The following RORA variants were observed in gnomAD, a reference collection of about 807,000 sequenced individuals.
RORA encodes the protein nuclear receptor ROR-alpha.
A neutral mutation model predicts 69.5 loss-of-function variants in RORA; 7 were observed. That is an observed-to-expected ratio of 0.10 (90% confidence interval 0.06 to 0.19). The LOEUF is 0.19. RORA is among the 10% of genes least tolerant of loss of function. RORA has a pLI of 1.00. For synonymous variants in RORA, 261 were observed against 240.8 expected (o/e 1.08, Z -0.78); for missense variants, 457 against 663.0 (o/e 0.69, Z 3.41).
intron 1 of RORA, among the ~76,000 whole-genome samples, chr15:60,922,006 T>C (rs1892062328): frequency 6.6e-6 from 1 of 152,228 alleles, no homozygotes; most frequent in Admixed American, 6.5e-5. Context: ...TATCAGCCTA[T>C]GGCCAATTTT....
Position 60,922,610 on chromosome 15 carries a change from T to A in RORA, c.167-243924A>T, listed in dbSNP as rs1028919872. On this transcript the variant is annotated intron_variant, in intron 1 of 10. Coordinates refer to ENST00000335670, the MANE Select transcript of RORA (RefSeq NM_134261.3). ...TGCTCAAATCAAGATCCAAACAAGG[T>A]ATACTTAGTATGCATTTCTTCATTC... 3.9e-5 allele frequency among the ~76,000 whole-genome samples: 6 copies of A among 152,254 alleles called. No individual in the cohort carries two copies. The East Asian group carries it at 1.2e-3, about 29-fold the overall frequency.
intron 1 of RORA, among the ~76,000 whole-genome samples, chr15:60,965,562 A>T (rs1893531877): frequency 6.6e-6 from 1 of 152,234 alleles, no homozygotes; most frequent in Non-Finnish European, 1.5e-5. Flanking sequence ...AGAAGAAACT[A>T]GCCCAACACA....
In RORA at chr15:60,564,992, T is replaced by C. The variant is rs559882393; in HGVS notation, c.197-33141A>G. 7.9e-5 allele frequency among the ~76,000 whole-genome samples: 12 copies of C among 152,254 alleles called. No homozygotes were observed. The South Asian group carries it at 2.5e-3, about 32-fold the overall frequency. ...AGCAGTGACCCCCTTGTGAGCTCGG[T>C]AAATGTTATCTATTGTATTCTACCA... On this transcript the variant is annotated intron_variant, in intron 2 of 10. Coordinates refer to ENST00000335670, the MANE Select transcript of RORA (RefSeq NM_134261.3).
chr15:61,061,988 A>G lies in RORA; in HGVS notation c.166+167065T>C, dbSNP rs2078193335. ...TGAGGCAGGAGAATCCCTTGAACCT[A>G]GGAGACGGAGGTTGCAGTGAGCTGG... On this transcript the variant is annotated intron_variant, in intron 1 of 10. Transcript: ENST00000335670. The surrounding 1 kb of genome is among the most constrained non-coding windows in gnomAD (Gnocchi z 4.4). Among the ~76,000 whole-genome samples, 1 of 152,168 alleles carries G rather than the reference A, an allele frequency of 6.6e-6. No homozygotes were observed.
At chr15:61,076,638 C>T (rs1242548876) in intron 1 of RORA, among the ~76,000 whole-genome samples, 1 of 152,214 alleles carries the variant, frequency 6.6e-6, no homozygotes, top group Non-Finnish European at 1.5e-5. Flanking sequence ...AAAGTTTGCA[C>T]TTTTTAATTT....
chr15:60,563,181 C>T (rs1415491029), intron 2 of RORA, among the ~76,000 whole-genome samples: 1 of 152,248 alleles, frequency 6.6e-6, no homozygotes, highest in East Asian at 1.9e-4. Flanking sequence ...GACAAACATC[C>T]CTGCTATTGA....
At chr15:60,948,231 A>G (rs1208226968) in intron 1 of RORA, among the ~76,000 whole-genome samples, 1 of 151,770 alleles carries the variant, frequency 6.6e-6, no homozygotes, top group African/African-American at 2.4e-5. Context: ...TTTTATTCCC[A>G]GGCAAATATG....
intron 1 of RORA, among the ~76,000 whole-genome samples, chr15:60,704,252 C>T (rs2071027080): frequency 6.6e-6 from 1 of 152,206 alleles, no homozygotes; most frequent in African/African-American, 2.4e-5. Flanking sequence ...GGTGCTTTTT[C>T]ATGGTTTGGT....
At chr15:60,958,392 T>C (rs1022751733) in intron 1 of RORA, among the ~76,000 whole-genome samples, 3 of 152,170 alleles carry the variant, frequency 2.0e-5, no homozygotes, top group Non-Finnish European at 4.4e-5. Flanking sequence ...GTCTAAAATA[T>C]TATTTATGCC....
intron 2 of RORA, among the ~76,000 whole-genome samples, chr15:60,573,493 G>A (rs1595996142): frequency 6.6e-6 from 1 of 152,140 alleles, no homozygotes; most frequent in Non-Finnish European, 1.5e-5. Context: ...ATTGTTTCTC[G>A]TGTTTCTTCA....
chr15:61,224,033 T>C (rs8033036), intron 1 of RORA, among the ~76,000 whole-genome samples: 4,521 of 148,960 alleles, frequency 0.03, 228 homozygotes, highest in African/African-American at 0.11. Flanking sequence ...TAAAAAATGA[T>C]AGAAGAGAAA....
At chr15:60,606,382 G>A (rs540371254) in intron 2 of RORA, among the ~76,000 whole-genome samples, 1 of 152,288 alleles carries the variant, frequency 6.6e-6, no homozygotes, top group South Asian at 2.1e-4. Flanking sequence ...TGGTATCTAC[G>A]AAGAGTTCTA....
chr15:61,005,719 A>C (rs1049509387), intron 1 of RORA, among the ~76,000 whole-genome samples: 4 of 152,196 alleles, frequency 2.6e-5, no homozygotes, highest in African/African-American at 9.7e-5. Context: ...TAAAGTATAC[A>C]CTATTATTGT....
intron 1 of RORA, among the ~76,000 whole-genome samples, chr15:60,863,965 C>G (rs954887196): frequency 2.6e-5 from 4 of 152,122 alleles, no homozygotes; most frequent in African/African-American, 9.7e-5. Flanking sequence ...TGCCACTGTG[C>G]CCAGCTAGTT....
chr15:60,836,530 C>G (rs1212284962), intron 1 of RORA, among the ~76,000 whole-genome samples: 1 of 152,132 alleles, frequency 6.6e-6, no homozygotes, highest in Non-Finnish European at 1.5e-5. Flanking sequence ...CTAAGAAAAT[C>G]CCCAGCATCA....
intron 1 of RORA, among the ~76,000 whole-genome samples, chr15:60,883,154 A>AAGAG (rs144718187): frequency 8.5e-5 from 8 of 94,040 alleles, no homozygotes; most frequent in Admixed American, 2.4e-4. Flanking sequence ...AAAAAAAAGA[A>AAGAG]AGAGAGAGAG....
chr15:61,147,766 C>CGTGTGTGTGTGTGTGTGT lies in RORA; in HGVS notation c.166+81269_166+81286dup, dbSNP rs10523030. On this transcript the variant is annotated intron_variant, in intron 1 of 10. Coordinates refer to ENST00000335670, the MANE Select transcript of RORA (RefSeq NM_134261.3). This position sits in a 1 kb window ranked among gnomAD's most constrained non-coding sequence, Gnocchi z 4.1. ...TGGTCAGTAGGCACGTGCGCACACG[C>CGTGTGTGTGTGTGTGTGT]GTGTGTGTGTGTGTGTGTGTGTGTG... Among the ~76,000 whole-genome samples, 1,635 of 147,644 alleles carry CGTGTGTGTGTGTGTGTGT rather than the reference C, an allele frequency of 0.011. 19 individuals carry two copies. Among genetic ancestry groups the CGTGTGTGTGTGTGTGTGT allele is most frequent in the East Asian group, 0.022 (109 of 4,848 alleles).
intron 1 of RORA, among the ~76,000 whole-genome samples, chr15:60,762,221 T>A (rs1242209859): frequency 1.3e-5 from 2 of 152,216 alleles, no homozygotes. Flanking sequence ...GTGAGTCTTG[T>A]CAGATTTTCC....
intron 1 of RORA, among the ~76,000 whole-genome samples, chr15:60,714,058 CT>C (rs745813094): frequency 6.7e-4 from 97 of 144,180 alleles, no homozygotes; most frequent in South Asian, 8.8e-4. Context: ...CTCTCTCTCT[CT>C]TTTTTTTTTT....
Sources: gnomAD v4.1 joint callset for allele counts (sites outside exome capture counted in the v4.1 genomes callset) on GRCh38, gnomAD v4.1.1 for gene constraint, Gnocchi (gnomAD v3.1) non-coding constraint, MANE v1.5 for transcripts, NCBI Gene and HGNC (gene_info 2026-07-23, HGNC 2026-07-21) for gene names.